Variants in SFPQ observed in about 807,000 individuals in gnomAD.
The protein encoded by SFPQ is splicing factor, proline- and glutamine-rich.
In SFPQ, 11 loss-of-function variants were observed where a neutral mutation model predicts 72.9. The observed-to-expected ratio is 0.15, with a 90% CI of 0.09 to 0.25. The LOEUF (loss-of-function observed/expected upper bound fraction) is 0.25, where lower values mean the gene tolerates loss of function less well. Ranked by LOEUF, SFPQ falls within the 10% of genes least tolerant of loss-of-function variation. SFPQ has a pLI of 1.00. For synonymous variants in SFPQ, 506 were observed against 367.3 expected (o/e 1.38, Z -4.32); for missense variants, 847 against 993.3 (o/e 0.85, Z 1.98).
At chr1:35,189,164 G>T in intron 5 of SFPQ, 22 bp downstream of exon 5, 1 of 1,612,956 alleles carries the variant, frequency 6.2e-7, no homozygotes, top group Non-Finnish European at 8.5e-7. Flanking sequence ...TAGCAATGAT[G>T]TTCACGCACA....
In SFPQ at chr1:35,191,410, T is replaced by C. The variant is rs138576615; in HGVS notation, c.948A>G (p.Leu316=). The C allele has an allele frequency of 6.3e-4, 1,016 of 1,614,100 alleles. 10 individuals carry two copies. The African/African-American group carries it at 0.012, about 19-fold the overall frequency. ...ADITEDEFKR[L]FAKYGEPGEV... is the part of the protein sequence containing the mutation. Reference sequence around the variant, plus strand: ...CTCCTGGTTCTCCATATTTAGCAAATAGTCTTTTGAATTCATCCTCCGTGA... The same window carrying C: ...CTCCTGGTTCTCCATATTTAGCAAACAGTCTTTTGAATTCATCCTCCGTGA... The change falls in exon 2 of 10, where the codon CTA becomes CTG. Residue 316 remains leucine, a synonymous_variant. Transcript: ENST00000357214.
At chr1:35,178,213 C>CCCTGAATAA (rs1214558717), downstream of SFPQ, 2 of 1,092,426 alleles carry the variant, frequency 1.8e-6, no homozygotes, top group Non-Finnish European at 2.2e-6. Flanking sequence ...TAAAATTATT[C>CCCTGAATAA]TTACATAAAA....
intron 9 of SFPQ, among the ~76,000 whole-genome samples, chr1:35,185,721 A>G (rs1344899356): frequency 1.3e-5 from 2 of 152,194 alleles, no homozygotes; most frequent in Non-Finnish European, 2.9e-5. Flanking sequence ...GCTACTCAAC[A>G]TGACTAAACT....
Position 35,191,012 on chromosome 1 carries a change from C to T in SFPQ, c.1018-17G>A, listed in dbSNP as rs1406196883. 6.2e-7 allele frequency: 1 copy of T among 1,603,950 alleles called. No individual in the cohort carries two copies. ...TCTAGATTCCTGTGTATCAGAGACA[C>T]TCATGTTAATGACCTCAAAATTGGA... On this transcript the variant is annotated splice_polypyrimidine_tract_variant and intron_variant, in intron 2 of 9. Transcript: ENST00000357214.
At position 35,191,194 on chromosome 1, in the gene SFPQ, C is replaced by T. The variant is rs1639978856; in HGVS notation, c.1017+147G>A. On this transcript the variant is annotated intron_variant, in intron 2 of 9. Transcript: ENST00000357214. The stretch of plus-strand genomic sequence containing the variant: ...AGGTAGCAACAATTATGCATTATAC[C>T]GCAAGCATTTTTCCTGTAAGAATGG... 5 of 832,012 alleles carry T rather than the reference C, an allele frequency of 6.0e-6. No homozygotes were observed. The East Asian group carries it at 1.3e-4, about 22-fold the overall frequency. 51.5% of individuals were successfully genotyped at this position (832,012 alleles called of 1,614,324 possible).
chr1:35,180,646 A>G, downstream of SFPQ: 1 of 1,053,452 alleles, frequency 9.5e-7, no homozygotes, highest in East Asian at 5.4e-5. Flanking sequence ...TTACAAAAAA[A>G]CCTGTACTTT....
chr1:35,190,639 G>A (rs775132481), intron 3 of SFPQ, 46 bp from the exon 4 acceptor site: 2 of 1,606,876 alleles, frequency 1.2e-6, no homozygotes, highest in South Asian at 1.1e-5. Flanking sequence ...CAGTTTTATT[G>A]CCACCATTCT....
chr1:35,179,029 G>C (rs1639361637), downstream of SFPQ: 1 of 1,059,080 alleles, frequency 9.4e-7, no homozygotes, highest in Non-Finnish European at 1.1e-6. Context: ...CAGATGATTA[G>C]GAGCAGTCAA....
chr1:35,188,961 G>C, intron 6 of SFPQ, 42 bp downstream of exon 6: 12 of 1,529,072 alleles, frequency 7.8e-6, no homozygotes, highest in Non-Finnish European at 1.1e-5. Flanking sequence ...ACGTTTCAAA[G>C]AAAAAAATAA....
At position 35,192,705 on chromosome 1, in the gene SFPQ, G is replaced by A; in HGVS notation, c.345C>T (p.Pro115=). 1 of 1,456,536 alleles carries A rather than the reference G, an allele frequency of 6.9e-7. No individual in the cohort carries two copies. The highest frequency in any genetic ancestry group is 2.9e-5 in the East Asian group (1 of 35,042). 90.2% of individuals were successfully genotyped at this position (1,456,536 alleles called of 1,614,324 possible). A position where few individuals can be genotyped will look rare whatever the true frequency, so the allele number is the denominator to read the frequency against. ...DSSKPVVAQG[P]GPAPGVGSAP... ...CGCTGCCTACTCCGGGAGCGGGGCC[G>A]GGTCCCTGAGCAACGACGGGCTTGG... The change falls in exon 1 of 10, where the codon CCC becomes CCT. Residue 115 remains proline, a synonymous_variant. Transcript: ENST00000357214.
intron 9 of SFPQ, among the ~76,000 whole-genome samples, chr1:35,184,954 C>A (rs910683066): frequency 1.3e-5 from 2 of 152,178 alleles, no homozygotes; most frequent in Non-Finnish European, 2.9e-5. Flanking sequence ...TCACTTTCAA[C>A]GTCTGAACGG....
At chr1:35,181,745 C>T, downstream of SFPQ, 1 of 1,061,222 alleles carries the variant, frequency 9.4e-7, no homozygotes, top group African/African-American at 1.6e-5. Flanking sequence ...AAATTGCTAC[C>T]TCCCCTTTCC....
chr1:35,177,442 C>A (rs1269912249), intron 4 of SFPQ: 1 of 152,208 alleles, frequency 6.6e-6, no homozygotes, highest in East Asian at 1.9e-4. Flanking sequence ...GCCTCAACCT[C>A]CCAGGATCAA....
rs1390977715 is a variant in SFPQ at position 35,192,491 on chromosome 1, G to A, written c.559C>T (p.Pro187Ser). 2 of 1,327,778 alleles carry A rather than the reference G, an allele frequency of 1.5e-6. No homozygotes were observed. The highest frequency in any genetic ancestry group is 3.1e-5 in the African/African-American group (2 of 64,718). 82.2% of individuals were successfully genotyped at this position (1,327,778 alleles called of 1,614,324 possible). Residue 187 changes from proline (P) to serine (S), a missense_variant, in exon 1 of 10, where the codon CCG becomes TCG. Around this residue, in one of 6 missense-constraint regions of SFPQ, gnomAD observed 498 missense variants for 405.1 expected, o/e 1.23. Coordinates refer to ENST00000357214, the MANE Select transcript of SFPQ (RefSeq NM_005066.3). The part of the protein sequence containing the change: ...TPPQAGGPPP[P>S]PAAVPGPGPG... ...CCCGGGCCCGGGACTGCCGCGGGCG[G>A]AGGCGGCGGGCCTCCGGCCTGAGGA...
rs1235080952 is a variant in SFPQ, at chr1:35,187,072, C to T, written c.1915G>A (p.Gly639Ser). 4 of 1,614,006 alleles carry T rather than the reference C, an allele frequency of 2.5e-6. No homozygotes were observed. Among genetic ancestry groups the T allele is most frequent in the East Asian group, 2.2e-5 (1 of 44,876 alleles). ...CCAGGATTAGCTTCATAACCTATGC[C>T]ACCACCACCTCCTAGAGGTGGAAAT... Reference protein sequence around the residue: ...QKFPPLGGGGGIGYEANPGVP... With the variant: ...QKFPPLGGGGSIGYEANPGVP... Residue 639 changes from glycine (G) to serine (S), a missense_variant, in exon 9 of 10, where the codon GGC (glycine) becomes AGC (serine). Gly to Ser is a moderately conservative substitution (Grantham distance 56). Around this residue, in one of 6 missense-constraint regions of SFPQ, gnomAD observed 154 missense variants for 186.0 expected, o/e 0.83. Transcript: ENST00000357214.
chr1:35,192,845 G>C lies in SFPQ; in HGVS notation c.205C>G (p.Gln69Glu). ...PIPPPPPHQQ[Q>E]QQPPPQQPPP... ...GGCTGCTGCGGTGGTGGCTGTTGCT[G>C]CTGTTGGTGTGGAGGCGGTGGCGGG... Residue 69 changes from glutamine (Q) to glutamate (E), a missense_variant, in exon 1 of 10, where the codon CAG becomes GAG. Coordinates refer to ENST00000357214, the MANE Select transcript of SFPQ (RefSeq NM_005066.3). 2 of 1,530,658 alleles carry C rather than the reference G, an allele frequency of 1.3e-6. No individual in the cohort carries two copies. The highest frequency in any genetic ancestry group is 8.7e-7 in the Non-Finnish European group (1 of 1,147,042). 94.8% of individuals were successfully genotyped at this position (1,530,658 alleles called of 1,614,324 possible).
At chr1:35,179,530 GCAT>G (rs767126358), downstream of SFPQ, 837 of 1,054,122 alleles carry the variant, frequency 7.9e-4, 1 homozygote, top group Non-Finnish European at 9.1e-4. Context: ...CCTCGGTATA[GCAT>G]TATTACTGAA....
Position 35,184,565 on chromosome 1 carries a change from G to A in SFPQ, c.2015C>T (p.Ala672Val), listed in dbSNP as rs371481157. The A allele has an allele frequency of 5.1e-5, 82 of 1,607,642 alleles. No individual in the cohort carries two copies. The highest frequency in any genetic ancestry group is 6.2e-5 in the Non-Finnish European group (73 of 1,178,026). ...AGGACCCTGTCCACCCACAGGCCCC[G>A]CACCTCCCTGCCCAAAGCGCTCAGT... ...MRTERFGQGG[A>V]GPVGGQGPRG... Residue 672 changes from alanine (A) to valine (V), a missense_variant, in exon 10 of 10, where the codon GCG becomes GTG. Around this residue, in one of 6 missense-constraint regions of SFPQ, gnomAD observed 154 missense variants for 186.0 expected, o/e 0.83. Coordinates refer to ENST00000357214, the MANE Select transcript of SFPQ (RefSeq NM_005066.3).
chr1:35,184,420 A>G lies in SFPQ; in HGVS notation c.*36T>C. On this transcript the variant is annotated 3_prime_UTR_variant, in exon 10 of 10. Coordinates refer to ENST00000357214, the MANE Select transcript of SFPQ (RefSeq NM_005066.3). Reference sequence around the variant, plus strand: ...AAAAGATTGGTATCTAAACAAAAAAACAAAACAAACTGGAATGAAAGCCTA... The same window carrying G: ...AAAAGATTGGTATCTAAACAAAAAAGCAAAACAAACTGGAATGAAAGCCTA... The G allele has an allele frequency of 1.3e-6, 2 of 1,593,364 alleles. No individual in the cohort carries two copies. The highest frequency in any genetic ancestry group is 1.7e-6 in the Non-Finnish European group (2 of 1,174,394).
Sources: allele counts gnomAD v4.1 joint callset (sites outside exome capture counted in the v4.1 genomes callset), GRCh38; gene constraint gnomAD v4.1.1; regional missense constraint gnomAD v4.1.1; transcripts MANE v1.5; gene names NCBI Gene and HGNC (gene_info 2026-07-23, HGNC 2026-07-21).